The following AKAP6 variants were observed in gnomAD, a reference collection of about 807,000 sequenced individuals.
AKAP6 encodes A-kinase anchor protein 6.
AKAP6 carries 58 observed loss-of-function variants against 188.5 expected under a neutral mutation model. The ratio of observed to expected loss-of-function variants is 0.31; its 90% CI spans 0.25 to 0.38. AKAP6 has a LOEUF of 0.38. Among genes scored for constraint, AKAP6 ranks in the 10% least tolerant of loss-of-function variants. The probability of loss-of-function intolerance (pLI) is 1.00; values close to 1 mark genes in which losing one functional copy is unlikely to be tolerated. For synonymous variants in AKAP6, 989 were observed against 998.6 expected (o/e 0.99, Z 0.18); for missense variants, 2,710 against 2,740.0 (o/e 0.99, Z 0.24).
intron 12 of AKAP6, among the ~76,000 whole-genome samples, chr14:32,785,027 T>C (rs960513225): frequency 6.9e-6 from 1 of 145,018 alleles, no homozygotes; most frequent in Non-Finnish European, 1.5e-5. Context: ...TGTTTTCTAT[T>C]CATTAGTCAG....
intron 2 of AKAP6, among the ~76,000 whole-genome samples, chr14:32,522,480 AC>A (rs1203840427): frequency 4.2e-5 from 6 of 144,392 alleles, no homozygotes; most frequent in African/African-American, 1.5e-4. Context: ...AAGAACTTAA[AC>A]AAACTTACAA....
chr14:32,546,844 G>T lies in AKAP6; in HGVS notation c.2191G>T (p.Ala731Ser). The T allele has an allele frequency of 6.2e-7, 1 of 1,613,914 alleles. No individual in the cohort carries two copies. The highest frequency in any genetic ancestry group is 1.1e-5 in the South Asian group (1 of 91,072). ...TGATGAGGAGTCCAGTATGCCTCTC[G>T]CTGGCATGAAAAAGTATGCTGATGA... ...LSDEESSMPL[A>S]GMKKYADEKS... The change falls in exon 4 of 14, where the codon GCT becomes TCT. Residue 731 changes from alanine (A) to serine (S), a missense_variant. Physicochemically the swap from Ala to Ser is moderately conservative, Grantham distance 99 (BLOSUM62 1). Around this residue, in one of 2 missense-constraint regions of AKAP6, gnomAD observed 2,473 missense variants for 2,426.1 expected, o/e 1.02. Coordinates refer to ENST00000280979, the MANE Select transcript of AKAP6 (RefSeq NM_004274.5).
chr14:32,807,939 T>G (rs1334441525), intron 12 of AKAP6, among the ~76,000 whole-genome samples: 1 of 152,232 alleles, frequency 6.6e-6, no homozygotes, highest in Non-Finnish European at 1.5e-5. Flanking sequence ...ATAATAACAC[T>G]GTACCTGTAA....
intron 2 of AKAP6, among the ~76,000 whole-genome samples, chr14:32,519,411 A>G (rs979929093): frequency 6.6e-6 from 1 of 152,216 alleles, no homozygotes; most frequent in African/African-American, 2.4e-5. Context: ...AATTGGATAA[A>G]GTGTCAAGAC....
At chr14:32,667,404 G>A (rs1888989322) in intron 7 of AKAP6, among the ~76,000 whole-genome samples, 1 of 152,036 alleles carries the variant, frequency 6.6e-6, no homozygotes, top group African/African-American at 2.4e-5. Flanking sequence ...CAACATGCAT[G>A]CCACCTGAGA....
chr14:32,639,597 T>A (rs1230892494), intron 7 of AKAP6, among the ~76,000 whole-genome samples: 3 of 152,100 alleles, frequency 2.0e-5, no homozygotes, highest in African/African-American at 7.2e-5. Flanking sequence ...TCATGAGGCT[T>A]GAGGAAGATA....
chr14:32,615,957 G>A (rs890482532), intron 7 of AKAP6, among the ~76,000 whole-genome samples: 7 of 152,074 alleles, frequency 4.6e-5, no homozygotes, highest in African/African-American at 1.2e-4. Flanking sequence ...TCACACTAAC[G>A]CTATTAAAAT....
chr14:32,396,491 G>A (rs1267391103), intron 1 of AKAP6, among the ~76,000 whole-genome samples: 19 of 152,116 alleles, frequency 1.2e-4, no homozygotes, highest in Non-Finnish European at 4.4e-5. Context: ...CCTAGATGCA[G>A]GTATGGACCT....
At position 32,597,106 on chromosome 14, in the gene AKAP6, T is replaced by C. The variant is rs940756444; in HGVS notation, c.2470-2304T>C. Among the ~76,000 whole-genome samples, 3 of 152,214 alleles carry C rather than the reference T, an allele frequency of 2.0e-5. No homozygotes were observed. In the South Asian group the frequency reaches 6.2e-4, roughly 31 times the overall value. The stretch of plus-strand genomic sequence containing the variant: ...GAATACCTCATCTTTTCCAATTTCC[T>C]AATCAAATGCTTCCATGTCATCTTG... On this transcript the variant is annotated intron_variant, in intron 5 of 13. Coordinates refer to ENST00000280979, the MANE Select transcript of AKAP6 (RefSeq NM_004274.5).
At chr14:32,555,870 C>T (rs1883664636) in intron 4 of AKAP6, among the ~76,000 whole-genome samples, 1 of 151,964 alleles carries the variant, frequency 6.6e-6, no homozygotes, top group Admixed American at 6.6e-5. Context: ...TTGCTTCCAC[C>T]TTTGGCTATT....
chr14:32,733,918 T>G (rs1272168270), intron 10 of AKAP6: 1 of 152,176 alleles, frequency 6.6e-6, no homozygotes, highest in Non-Finnish European at 1.5e-5. Context: ...CATTGCATTT[T>G]AATATATCCA....
intron 12 of AKAP6, among the ~76,000 whole-genome samples, chr14:32,807,323 C>T (rs1482587958): frequency 1.5e-5 from 2 of 134,828 alleles, no homozygotes; most frequent in African/African-American, 6.0e-5. Flanking sequence ...AAGACCATGT[C>T]TCAAAAAAAA....
chr14:32,509,193 C>T (rs997954584), intron 2 of AKAP6, among the ~76,000 whole-genome samples: 2 of 146,026 alleles, frequency 1.4e-5, no homozygotes, highest in Non-Finnish European at 3.0e-5. Context: ...GGCGCGATCT[C>T]GGCTCACTGC....
At chr14:32,742,897 T>C (rs1389954713) in intron 11 of AKAP6, among the ~76,000 whole-genome samples, 1 of 152,158 alleles carries the variant, frequency 6.6e-6, no homozygotes, top group Non-Finnish European at 1.5e-5. Flanking sequence ...TGGTCTATAG[T>C]GCAGGCTAAA....
chr14:32,810,915 G>T (rs960711365), intron 12 of AKAP6, among the ~76,000 whole-genome samples: 1 of 152,118 alleles, frequency 6.6e-6, no homozygotes, highest in African/African-American at 2.4e-5. Context: ...AGGAAAGCAA[G>T]ACAAGTTTCC....
At chr14:32,612,873 C>G (rs1886412281) in intron 7 of AKAP6, among the ~76,000 whole-genome samples, 1 of 152,162 alleles carries the variant, frequency 6.6e-6, no homozygotes, top group South Asian at 2.1e-4. Context: ...CCAAAGCTCT[C>G]TAACAAGATT....
intron 4 of AKAP6, among the ~76,000 whole-genome samples, chr14:32,548,938 C>T (rs961353333): frequency 4.0e-5 from 6 of 151,802 alleles, no homozygotes; most frequent in East Asian, 1.9e-4. Flanking sequence ...CATTCGTTGT[C>T]GAATACTACT....
chr14:32,508,848 ACGGAGT>A (rs1014426494), intron 2 of AKAP6, among the ~76,000 whole-genome samples: 2 of 148,850 alleles, frequency 1.3e-5, no homozygotes, highest in African/African-American at 5.0e-5. Flanking sequence ...TTTTTTTGAT[ACGGAGT>A]CTCGCTCTGT....
At chr14:32,732,407 G>A in intron 9 of AKAP6, 47 bp from the exon 10 acceptor site, 1 of 1,563,148 alleles carries the variant, frequency 6.4e-7, no homozygotes, top group Non-Finnish European at 8.6e-7. Flanking sequence ...GATTTTCTAA[G>A]AACACCTCTC....
Sources: gnomAD v4.1 joint callset for allele counts (sites outside exome capture counted in the v4.1 genomes callset) on GRCh38, gnomAD v4.1.1 for gene constraint, gnomAD v4.1.1 regional missense constraint, MANE v1.5 for transcripts, NCBI Gene and HGNC (gene_info 2026-07-23, HGNC 2026-07-21) for gene names.